RPS20: variants seen among roughly 807,000 people sequenced by gnomAD.
RPS20 encodes small ribosomal subunit protein uS10.
A neutral mutation model predicts 15.3 loss-of-function variants in RPS20; 3 were observed. The ratio of observed to expected loss-of-function variants is 0.20; its 90% CI spans 0.09 to 0.51. The LOEUF (loss-of-function observed/expected upper bound fraction) is 0.51, where lower values mean the gene tolerates loss of function less well. RPS20 is among the 20% of genes least tolerant of loss of function. The probability of loss-of-function intolerance (pLI) is 0.96; values close to 1 mark genes in which losing one functional copy is unlikely to be tolerated. For missense variants in RPS20, 67 were observed against 145.9 expected (o/e 0.46, Z 2.79); for synonymous variants, 62 against 47.8 (o/e 1.30, Z -1.23).
At chr8:56,070,246 T>C (rs369522068), downstream of RPS20, among the ~76,000 whole-genome samples, 1 of 152,178 alleles carries the variant, frequency 6.6e-6, no homozygotes, top group African/African-American at 2.4e-5. Context: ...GCATTTGAGA[T>C]AGATACTATT....
At position 56,074,454 on chromosome 8, in the gene RPS20, G is replaced by C. The variant is rs1340204903; in HGVS notation, c.-71C>G. On this transcript the variant is annotated 5_prime_UTR_variant, in exon 1 of 4. Coordinates refer to ENST00000009589, the MANE Select transcript of RPS20 (RefSeq NM_001023.4). ...GCGAACAGCGGTGAGTCAGGAGCAGGAGCGTGCGGACCAAAAATCCTCAGC... is the reference window on the plus strand; with the variant it reads ...GCGAACAGCGGTGAGTCAGGAGCAGCAGCGTGCGGACCAAAAATCCTCAGC... 3.3e-6 allele frequency: 5 copies of C among 1,519,230 alleles called. No individual in the cohort carries two copies. The highest frequency in any genetic ancestry group is 2.8e-5 in the African/African-American group (2 of 72,386). 94.1% of individuals were successfully genotyped at this position (1,519,230 alleles called of 1,614,324 possible).
rs1563348736 is a variant in RPS20 at position 56,074,469 on chromosome 8, A to AT, written c.-87_-86insA. ...TCAGGAGCAGGAGCGTGCGGACCAA[A>AT]AATCCTCAGCCCTTACGACCGCGTC... On this transcript the variant is annotated 5_prime_UTR_variant, in exon 1 of 4. Coordinates refer to ENST00000009589, the MANE Select transcript of RPS20 (RefSeq NM_001023.4). 4.1e-6 allele frequency: 6 copies of AT among 1,459,448 alleles called. No individual in the cohort carries two copies. In the African/African-American group the frequency reaches 4.2e-5, roughly 10 times the overall value. 90.4% of individuals were successfully genotyped at this position (1,459,448 alleles called of 1,614,324 possible).
At chr8:56,072,470 T>G (rs58767582), downstream of RPS20, among the ~76,000 whole-genome samples, 457 of 149,544 alleles carry the variant, frequency 3.1e-3, 2 homozygotes, top group African/African-American at 8.8e-3. Flanking sequence ...GAGAATTGCT[T>G]GAACCTGGGA....
chr8:56,073,589 G>A, intron 3 of RPS20, 106 bp downstream of exon 3: 1 of 881,088 alleles, frequency 1.1e-6, no homozygotes, highest in Non-Finnish European at 1.9e-6. Flanking sequence ...TGCGTTTGTA[G>A]ACAGCATCAG....
At chr8:56,070,306 C>T (rs1227334267), downstream of RPS20, among the ~76,000 whole-genome samples, 1 of 152,150 alleles carries the variant, frequency 6.6e-6, no homozygotes, top group Non-Finnish European at 1.5e-5. Flanking sequence ...GTAACTTGAT[C>T]GTCTCCATAA....
At chr8:56,073,401 T>C (rs1019430847) in intron 3 of RPS20, 129 bp from the exon 4 acceptor site, 5 of 712,148 alleles carry the variant, frequency 7.0e-6, no homozygotes, top group African/African-American at 5.3e-5. Context: ...CACTAATAGA[T>C]TTTCAGGTAC....
rs1467873509 is a variant in RPS20 at position 56,073,775 on chromosome 8, G to A, written c.104-7C>T. 10 of 1,613,010 alleles carry A rather than the reference G, an allele frequency of 6.2e-6. No homozygotes were observed. The highest frequency in any genetic ancestry group is 2.7e-5 in the African/African-American group (2 of 75,000). Reference sequence around the variant, plus strand: ...CTTATCAAGTCAGCACACACTACAGGAAATAAAAGACCTCTCAGTATAATC... The same window carrying A: ...CTTATCAAGTCAGCACACACTACAGAAAATAAAAGACCTCTCAGTATAATC... On this transcript the variant is annotated splice_region_variant and splice_polypyrimidine_tract_variant and intron_variant, in intron 2 of 3. Coordinates refer to ENST00000009589, the MANE Select transcript of RPS20 (RefSeq NM_001023.4).
At chr8:56,073,568 C>T (rs961885262) in intron 3 of RPS20, 127 bp downstream of exon 3, 1 of 786,732 alleles carries the variant, frequency 1.3e-6, no homozygotes, top group East Asian at 2.5e-5. Flanking sequence ...AATCTACCAC[C>T]GATTTCTATG....
chr8:56,071,474 T>C (rs553676280), downstream of RPS20, among the ~76,000 whole-genome samples: 1 of 152,358 alleles, frequency 6.6e-6, no homozygotes, highest in South Asian at 2.1e-4. Context: ...CTCAGTTCCA[T>C]TCAAATCCTT....
chr8:56,074,033 TC>T (rs561220809), intron 2 of RPS20, 26 bp downstream of exon 2: 31 of 1,531,246 alleles, frequency 2.0e-5, no homozygotes, highest in Non-Finnish European at 2.4e-5. Context: ...CAATTCCCCC[TC>T]CCCCCCGCAT....
At chr8:56,074,001 G>A in intron 2 of RPS20, 59 bp downstream of exon 2, 4 of 1,349,864 alleles carry the variant, frequency 3.0e-6, no homozygotes, top group African/African-American at 1.4e-5. Flanking sequence ...ACATTAACGA[G>A]TAAAGCTCGT....
chr8:56,068,800 A>C (rs1249915290), downstream of RPS20, among the ~76,000 whole-genome samples: 2 of 128,608 alleles, frequency 1.6e-5, no homozygotes, highest in Non-Finnish European at 3.3e-5. Flanking sequence ...TCTCTTGGTG[A>C]AAATATCTTT....
In RPS20 at chr8:56,073,555, C is replaced by G. The variant is rs1185214636; in HGVS notation, c.177+140G>C. On this transcript the variant is annotated intron_variant, in intron 3 of 3. Transcript: ENST00000009589. ...TAAACATTAGCTACTTACTAGGAAC[C>G]GCAATCTACCACCGATTTCTATGTG... 4 of 739,774 alleles carry G rather than the reference C, an allele frequency of 5.4e-6. No individual in the cohort carries two copies. The Admixed American group carries it at 8.5e-5, about 16-fold the overall frequency. 45.8% of individuals were successfully genotyped at this position (739,774 alleles called of 1,614,324 possible).
chr8:56,069,806 T>C (rs1248353318), downstream of RPS20: 4 of 1,543,596 alleles, frequency 2.6e-6, no homozygotes, highest in South Asian at 2.4e-5. Flanking sequence ...TCTGTATCCA[T>C]GGGTTCTGCA....
At chr8:56,069,760 G>T, downstream of RPS20, 2 of 1,551,584 alleles carry the variant, frequency 1.3e-6, no homozygotes, top group Non-Finnish European at 1.7e-6. Flanking sequence ...TGTCCCCGGG[G>T]ATTCGAATAC....
downstream of RPS20, chr8:56,069,922 A>G: frequency 9.7e-6 from 7 of 718,510 alleles, no homozygotes; most frequent in East Asian, 2.7e-5. Flanking sequence ...TGAATACAGC[A>G]TAACTACTTA....
rs201535420 is a variant in RPS20 at position 56,073,321 on chromosome 8, C to T, written c.178-49G>A. The stretch of plus-strand genomic sequence containing the variant: ...CAAGTGTTTATCGTTTTATACTTAT[C>T]CCTAGAACATCTGGAAAATCATTAC... On this transcript the variant is annotated intron_variant, in intron 3 of 3. Transcript: ENST00000009589. 2.7e-5 allele frequency: 32 copies of T among 1,168,230 alleles called. No individual in the cohort carries two copies. The African/African-American group carries it at 4.4e-4, about 16-fold the overall frequency. 72.4% of individuals were successfully genotyped at this position (1,168,230 alleles called of 1,614,324 possible).
At chr8:56,069,846 AG>A (rs1270667650), downstream of RPS20, 1 of 1,381,908 alleles carries the variant, frequency 7.2e-7, no homozygotes, top group Non-Finnish European at 1.0e-6. Context: ...GTAGATCAAA[AG>A]TATTCAGAAA....
At chr8:56,069,947 T>C (rs1487626834), downstream of RPS20, 4 of 686,576 alleles carry the variant, frequency 5.8e-6, no homozygotes, top group Non-Finnish European at 1.1e-5. Flanking sequence ...CCATTTACAT[T>C]GTATTAGGTA....
Sources: gnomAD v4.1 joint callset for allele counts (sites outside exome capture counted in the v4.1 genomes callset) on GRCh38, gnomAD v4.1.1 for gene constraint, MANE v1.5 for transcripts, NCBI Gene and HGNC (gene_info 2026-07-23, HGNC 2026-07-21) for gene names.